The following C9orf153 variants were observed in gnomAD, a reference collection of about 807,000 sequenced individuals.
The protein encoded by C9orf153 is uncharacterized protein C9orf153.
A neutral mutation model predicts 9.0 loss-of-function variants in C9orf153; 10 were observed. The ratio of observed to expected loss-of-function variants is 1.11; its 90% CI spans 0.69 to 1.89. The LOEUF is 1.89. C9orf153 is among the 40% of genes most tolerant of loss of function. The pLI, the probability that C9orf153 is intolerant of heterozygous loss-of-function variation, is 0.00. For synonymous variants in C9orf153, 35 were observed against 37.3 expected (o/e 0.94, Z 0.23); for missense variants, 108 against 111.0 (o/e 0.97, Z 0.12).
intron 1 of C9orf153, among the ~76,000 whole-genome samples, chr9:86,230,240 A>T (rs1484357956): frequency 6.6e-6 from 1 of 152,208 alleles, no homozygotes; most frequent in Admixed American, 6.5e-5. Flanking sequence ...CTTCTACAAC[A>T]TGTGTATTTA....
intron 1 of C9orf153, among the ~76,000 whole-genome samples, chr9:86,242,835 C>T (rs1284118274): frequency 2.6e-5 from 4 of 152,152 alleles, no homozygotes; most frequent in African/African-American, 4.8e-5. Context: ...CCCACCACCA[C>T]GCCCAGCTAA....
At chr9:86,226,009 CA>C (rs1412491418) in intron 3 of C9orf153, among the ~76,000 whole-genome samples, 1 of 152,160 alleles carries the variant, frequency 6.6e-6, no homozygotes, top group African/African-American at 2.4e-5. Context: ...ATCAAACATC[CA>C]AAACCCTTCT....
chr9:86,229,584 G>C lies in C9orf153; in HGVS notation c.20C>G (p.Thr7Ser), dbSNP rs1824418144. The change falls in exon 2 of 4, where the codon ACC (threonine) becomes AGC (serine). Residue 7 changes from threonine (T) to serine (S), a missense_variant. Thr to Ser is a moderately conservative substitution (Grantham distance 58). Coordinates refer to ENST00000339137, the MANE Select transcript of C9orf153 (RefSeq NM_001276366.4). ...TTCTCTATTGTCCTCAGCTGGACTG[G>C]TGTCTCCAGTGAGGAACATCGTGCT... MFLTGD[T>S]SPAEDNREAT... is the part of the protein sequence containing the mutation. 6.2e-7 allele frequency: 1 copy of C among 1,612,380 alleles called. No homozygotes were observed. The highest frequency in any genetic ancestry group is 1.1e-5 in the South Asian group (1 of 91,042).
chr9:86,221,643 T>A lies in C9orf153; in HGVS notation c.*45A>T. On this transcript the variant is annotated 3_prime_UTR_variant, in exon 4 of 4. Coordinates refer to ENST00000339137, the MANE Select transcript of C9orf153 (RefSeq NM_001276366.4). The stretch of plus-strand genomic sequence containing the variant: ...TCTCTTCTCAGTGTTGTATTTTATG[T>A]CTCCGAATGAAATTGCAGTAGTGCG... The A allele has an allele frequency of 6.5e-7, 1 of 1,542,610 alleles. No individual in the cohort carries two copies. Among genetic ancestry groups the A allele is most frequent in the Admixed American group, 2.0e-5 (1 of 49,654 alleles).
intron 1 of C9orf153, among the ~76,000 whole-genome samples, chr9:86,241,576 A>T (rs187996902): frequency 1.8e-4 from 28 of 151,972 alleles, no homozygotes; most frequent in Admixed American, 1.8e-3. Context: ...TAAGAACCAA[A>T]CTCCCTGATG....
At chr9:86,223,446 T>A (rs1291491064) in intron 3 of C9orf153, among the ~76,000 whole-genome samples, 3 of 152,022 alleles carry the variant, frequency 2.0e-5, no homozygotes, top group Non-Finnish European at 4.4e-5. Context: ...CCAGCCTGGG[T>A]GACAGAGCAA....
At chr9:86,224,329 G>C (rs922526819) in intron 3 of C9orf153, among the ~76,000 whole-genome samples, 5 of 152,044 alleles carry the variant, frequency 3.3e-5, no homozygotes, top group African/African-American at 1.2e-4. Context: ...TGAGGCTGCA[G>C]TGAGCTGAGA....
intron 1 of C9orf153, among the ~76,000 whole-genome samples, chr9:86,253,471 T>A (rs1825038607): frequency 6.6e-6 from 1 of 152,236 alleles, no homozygotes; most frequent in Non-Finnish European, 1.5e-5. Context: ...AATCATTGGC[T>A]AGGGTTCCTA....
intron 1 of C9orf153, among the ~76,000 whole-genome samples, chr9:86,231,602 T>TATATATATATATACATGTATGTATATGC (rs1563998661): frequency 6.6e-5 from 10 of 151,678 alleles, no homozygotes; most frequent in African/African-American, 1.9e-4. Context: ...AACATGGATA[T>TATATATATATATACATGTATGTATATGC]ATATATATAT....
At chr9:86,226,395 C>T (rs1482788225) in intron 3 of C9orf153, among the ~76,000 whole-genome samples, 1 of 151,972 alleles carries the variant, frequency 6.6e-6, no homozygotes, top group Admixed American at 6.6e-5. Flanking sequence ...AATCTTGACT[C>T]ACTGCAACCT....
Position 86,221,135 on chromosome 9 carries a change from TGTTA to T in C9orf153, c.*549_*552del, listed in dbSNP as rs1824191192. ...TCATATTGATCTCTATATGCTCAGA[TGTTA>T]ATTTGTTTGTTGAATGTACCAAATA... On this transcript the variant is annotated 3_prime_UTR_variant, in exon 4 of 4. Transcript: ENST00000339137. 6.6e-6 allele frequency: 1 copy of T among 152,228 alleles called. No individual in the cohort carries two copies. The highest frequency in any genetic ancestry group is 2.4e-5 in the African/African-American group (1 of 41,414). 9.4% of individuals were successfully genotyped at this position (152,228 alleles called of 1,614,324 possible).
intron 1 of C9orf153, among the ~76,000 whole-genome samples, chr9:86,230,636 C>T (rs1403666027): frequency 6.6e-6 from 1 of 152,178 alleles, no homozygotes; most frequent in African/African-American, 2.4e-5. Flanking sequence ...ATATTCTGAT[C>T]AACTTTCAGT....
At chr9:86,258,904 C>T (rs943693964) in intron 1 of C9orf153, among the ~76,000 whole-genome samples, 13 of 151,902 alleles carry the variant, frequency 8.6e-5, no homozygotes, top group Admixed American at 5.9e-4. Context: ...GGTATCAATG[C>T]ATGGTTACTA....
chr9:86,227,066 C>G (rs1194424323), intron 3 of C9orf153, among the ~76,000 whole-genome samples: 1 of 152,122 alleles, frequency 6.6e-6, no homozygotes, highest in Non-Finnish European at 1.5e-5. Context: ...ATGCCTGGCC[C>G]AACAATATAT....
intron 1 of C9orf153, among the ~76,000 whole-genome samples, chr9:86,258,835 T>TC (rs1825183608): frequency 4.0e-5 from 6 of 149,552 alleles, no homozygotes; most frequent in South Asian, 2.1e-4. Context: ...ACACACAGCT[T>TC]TCCCCTTTTT....
At position 86,221,554 on chromosome 9, in the gene C9orf153, T is replaced by C. The variant is rs1824203239; in HGVS notation, c.*134A>G. 1 of 1,349,496 alleles carries C rather than the reference T, an allele frequency of 7.4e-7. No individual in the cohort carries two copies. Among genetic ancestry groups the C allele is most frequent in the Non-Finnish European group, 9.5e-7 (1 of 1,048,034 alleles). The allele number at this position is 1,349,496 out of a possible 1,614,324, so 83.6% of individuals were successfully genotyped here. A position where few individuals can be genotyped will look rare whatever the true frequency, so the allele number is the denominator to read the frequency against. The stretch of plus-strand genomic sequence containing the variant: ...TTTTGATAATCAATTTGAGGATAAA[T>C]GACCAAAGACTTGCGAACTATAGGG... On this transcript the variant is annotated 3_prime_UTR_variant, in exon 4 of 4. Transcript: ENST00000339137.
At chr9:86,233,475 G>A (rs576666272) in intron 1 of C9orf153, among the ~76,000 whole-genome samples, 14 of 152,222 alleles carry the variant, frequency 9.2e-5, no homozygotes, top group Non-Finnish European at 2.1e-4. Flanking sequence ...GGAGTGCAGT[G>A]GCGCAGTCTC....
At chr9:86,243,894 T>C (rs1304346963) in intron 1 of C9orf153, among the ~76,000 whole-genome samples, 3 of 152,220 alleles carry the variant, frequency 2.0e-5, no homozygotes, top group Admixed American at 6.5e-5. Context: ...TCAAGACTAG[T>C]TCCTATGGCC....
At chr9:86,229,955 A>C (rs1293914076) in intron 1 of C9orf153, among the ~76,000 whole-genome samples, 1 of 152,052 alleles carries the variant, frequency 6.6e-6, no homozygotes, top group East Asian at 1.9e-4. Flanking sequence ...AGAAAGAAAG[A>C]GCAAAGGGGG....
Sources: gnomAD v4.1 joint callset for allele counts (sites outside exome capture counted in the v4.1 genomes callset) on GRCh38, gnomAD v4.1.1 for gene constraint, MANE v1.5 for transcripts, NCBI Gene and HGNC (gene_info 2026-07-23, HGNC 2026-07-21) for gene names.